Variants in PTPN12 observed in about 807,000 individuals in gnomAD.
The protein encoded by PTPN12 is tyrosine-protein phosphatase non-receptor type 12.
Under a neutral mutation model 97.6 loss-of-function variants are expected in PTPN12, and 29 were observed. The ratio of observed to expected loss-of-function variants is 0.30; its 90% CI spans 0.22 to 0.41. PTPN12 has a LOEUF of 0.41. Ranked by LOEUF, PTPN12 falls within the 10% of genes least tolerant of loss-of-function variation. PTPN12 has a pLI of 1.00. For missense variants in PTPN12, 819 were observed against 926.0 expected, an observed-to-expected ratio of 0.88 and a Z score of 1.50; for synonymous variants, 327 against 300.4, an observed-to-expected ratio of 1.09 and a Z score of -0.91.
Position 77,626,686 on chromosome 7 carries a change from T to C in PTPN12, c.1026-19T>C. The C allele has an allele frequency of 1.3e-6, 2 of 1,574,144 alleles. No homozygotes were observed. Among genetic ancestry groups the C allele is most frequent in the Non-Finnish European group, 1.7e-6 (2 of 1,160,672 alleles). ...GTTTAACAGTCTTAAAATGCCCTTT[T>C]TAAATGTTTGTTTTTCAGTTGCCTT... On this transcript the variant is annotated intron_variant, in intron 12 of 17. Coordinates refer to ENST00000248594, the MANE Select transcript of PTPN12 (RefSeq NM_002835.4).
In PTPN12 at chr7:77,639,439, C is replaced by T. The variant is rs1407002997; in HGVS notation, c.*159C>T. On this transcript the variant is annotated 3_prime_UTR_variant, in exon 18 of 18. Coordinates refer to ENST00000248594, the MANE Select transcript of PTPN12 (RefSeq NM_002835.4). ...GACCATCTACCTGCCTTATACTACA[C>T]TTAGGAAAAAGTATTACATATGGTT... The T allele has an allele frequency of 1.1e-5, 6 of 561,538 alleles. No individual in the cohort carries two copies. Among genetic ancestry groups the T allele is most frequent in the African/African-American group, 3.8e-5 (2 of 52,976 alleles). 34.8% of individuals were successfully genotyped at this position (561,538 alleles called of 1,614,324 possible).
chr7:77,538,270 G>A (rs1252105594), intron 1 of PTPN12, among the ~76,000 whole-genome samples: 2 of 152,126 alleles, frequency 1.3e-5, no homozygotes, highest in African/African-American at 2.4e-5. Context: ...CCCGCGTCCC[G>A]CTTCTCCTCT....
At chr7:77,590,910 G>A (rs895283533) in intron 5 of PTPN12, among the ~76,000 whole-genome samples, 1 of 151,796 alleles carries the variant, frequency 6.6e-6, no homozygotes, top group African/African-American at 2.4e-5. Context: ...GGTGGCACAC[G>A]CCTGTGGTCC....
chr7:77,630,932 C>T (rs1789376537), intron 13 of PTPN12, among the ~76,000 whole-genome samples: 1 of 152,064 alleles, frequency 6.6e-6, no homozygotes, highest in Admixed American at 6.5e-5. Context: ...AAAGCAAGGG[C>T]CACGCTTAGA....
intron 9 of PTPN12, among the ~76,000 whole-genome samples, chr7:77,610,070 C>T (rs1788518179): frequency 6.6e-6 from 1 of 152,180 alleles, no homozygotes; most frequent in South Asian, 2.1e-4. Context: ...CTGTCCTCTT[C>T]CTTGATACAA....
At position 77,601,022 on chromosome 7, in the gene PTPN12, G is replaced by A. The variant is rs150009360; in HGVS notation, c.695+216G>A. The A allele has an allele frequency of 6.3e-4, 298 of 475,162 alleles. 3 individuals carry two copies. The East Asian group carries it at 9.8e-3, about 16-fold the overall frequency. The allele number at this position is 475,162 out of a possible 1,614,324, so 29.4% of individuals were successfully genotyped here. A position where few individuals can be genotyped will look rare whatever the true frequency, so the allele number is the denominator to read the frequency against. ...ACACAGGATCATCTATTTGAAAATA[G>A]TATTCACATGGTGGGAAGCTATAGA... On this transcript the variant is annotated intron_variant, in intron 8 of 17. Transcript: ENST00000248594.
At chr7:77,621,148 A>C (rs907045351) in intron 12 of PTPN12, among the ~76,000 whole-genome samples, 3 of 151,954 alleles carry the variant, frequency 2.0e-5, no homozygotes, top group Non-Finnish European at 2.9e-5. Flanking sequence ...TGTTAAAAAT[A>C]AGACACACAC....
At chr7:77,628,930 A>G (rs1303481767) in intron 13 of PTPN12, among the ~76,000 whole-genome samples, 1 of 152,006 alleles carries the variant, frequency 6.6e-6, no homozygotes, top group Non-Finnish European at 1.5e-5. Flanking sequence ...TTTTAACTTG[A>G]GAGAGTGTAT....
intron 5 of PTPN12, 106 bp downstream of exon 5, chr7:77,585,687 A>T (rs1787667081): frequency 1.1e-6 from 1 of 939,508 alleles, no homozygotes; most frequent in African/African-American, 1.7e-5. Flanking sequence ...TACTTCTTTT[A>T]TTTTGGGGTA....
At chr7:77,625,107 C>A (rs1293994548) in intron 12 of PTPN12, among the ~76,000 whole-genome samples, 2 of 152,062 alleles carry the variant, frequency 1.3e-5, no homozygotes, top group African/African-American at 4.8e-5. Flanking sequence ...TGCACTCCAG[C>A]CTGGGTGACA....
intron 1 of PTPN12, among the ~76,000 whole-genome samples, chr7:77,540,465 C>G (rs10953284): frequency 0.39 from 59,456 of 151,418 alleles, 12,769 homozygotes; most frequent in East Asian, 0.69. Context: ...CTTGAACTTT[C>G]ATCTGACTGA....
At chr7:77,552,520 A>G (rs1210434236) in intron 1 of PTPN12, among the ~76,000 whole-genome samples, 1 of 152,168 alleles carries the variant, frequency 6.6e-6, no homozygotes, top group Admixed American at 6.5e-5. Flanking sequence ...ATTTTTTAAA[A>G]TAGGATGTAG....
intron 13 of PTPN12, among the ~76,000 whole-genome samples, chr7:77,629,432 G>C (rs1225743863): frequency 6.6e-6 from 1 of 151,966 alleles, no homozygotes; most frequent in Non-Finnish European, 1.5e-5. Flanking sequence ...TAACTGCCCA[G>C]CTGTAACTAT....
intron 11 of PTPN12, among the ~76,000 whole-genome samples, chr7:77,612,779 G>GT (rs1351608951): frequency 2.7e-5 from 4 of 148,840 alleles, no homozygotes; most frequent in Non-Finnish European, 6.0e-5. Context: ...GGTTTTTTTT[G>GT]TTTTTTGGTT....
At chr7:77,610,123 T>C (rs1161324612) in intron 9 of PTPN12, among the ~76,000 whole-genome samples, 3 of 152,214 alleles carry the variant, frequency 2.0e-5, no homozygotes, top group African/African-American at 7.2e-5. Flanking sequence ...ACATTGCCTA[T>C]TGCAGTAGTC....
intron 8 of PTPN12, among the ~76,000 whole-genome samples, chr7:77,606,743 G>C (rs992173663): frequency 5.3e-5 from 8 of 152,178 alleles, no homozygotes; most frequent in African/African-American, 1.9e-4. Context: ...TGTCCTGCTT[G>C]CAAGATAAAT....
intron 5 of PTPN12, among the ~76,000 whole-genome samples, chr7:77,589,989 A>G (rs1787813954): frequency 6.6e-6 from 1 of 152,228 alleles, no homozygotes. Flanking sequence ...CAAGTTAGGA[A>G]CTATGAAATT....
intron 8 of PTPN12, among the ~76,000 whole-genome samples, chr7:77,602,686 T>C (rs1029308965): frequency 6.6e-6 from 1 of 152,148 alleles, no homozygotes; most frequent in African/African-American, 2.4e-5. Flanking sequence ...GAAACCTAAT[T>C]TTTGGAATTT....
At position 77,605,409 on chromosome 7, in the gene PTPN12, G is replaced by GGTTTTTTTTTTTTTTTTTTTTT. The variant is rs1554321255; in HGVS notation, c.696-1826_696-1825insGTTTTTTTTTTTTTTTTTTTTT. Among the ~76,000 whole-genome samples the GGTTTTTTTTTTTTTTTTTTTTT allele has an allele frequency of 1.4e-4, 13 of 95,546 alleles. 4 individuals are homozygous for GGTTTTTTTTTTTTTTTTTTTTT. Among genetic ancestry groups the GGTTTTTTTTTTTTTTTTTTTTT allele is most frequent in the East Asian group, 3.0e-4 (1 of 3,374 alleles). 62.7% of individuals were successfully genotyped at this position (95,546 alleles called of 152,430 possible). A position where few individuals can be genotyped will look rare whatever the true frequency, so the allele number is the denominator to read the frequency against. On this transcript the variant is annotated intron_variant, in intron 8 of 17. Transcript: ENST00000248594. ...TTACTTTAAAATACTTTTGTCATGA[G>GGTTTTTTTTTTTTTTTTTTTTT]TTTTTTTTTTTTTTTTTTTTTTTTT...
Sources: gnomAD v4.1 joint callset for allele counts (sites outside exome capture counted in the v4.1 genomes callset) on GRCh38, gnomAD v4.1.1 for gene constraint, MANE v1.5 for transcripts, NCBI Gene and HGNC (gene_info 2026-07-23, HGNC 2026-07-21) for gene names.